Variants in TMEM131L observed in about 807,000 individuals in gnomAD.
The protein encoded by TMEM131L is transmembrane protein 131-like.
TMEM131L carries 54 observed loss-of-function variants against 192.2 expected under a neutral mutation model. The observed-to-expected ratio is 0.28, with a 90% confidence interval of 0.23 to 0.35. The LOEUF (loss-of-function observed/expected upper bound fraction) is 0.35, where lower values mean the gene tolerates loss of function less well. Among genes scored for constraint, TMEM131L ranks in the 10% least tolerant of loss-of-function variants. The probability of loss-of-function intolerance (pLI) is 1.00; values close to 1 mark genes in which losing one functional copy is unlikely to be tolerated. For missense variants in TMEM131L, 1,888 were observed against 1,972.9 expected (o/e 0.96, Z 0.82); for synonymous variants, 701 against 704.9 (o/e 0.99, Z 0.09).
intron 14 of TMEM131L, among the ~76,000 whole-genome samples, chr4:153,586,686 T>A (rs1353426071): frequency 6.6e-6 from 1 of 152,210 alleles, no homozygotes; most frequent in Non-Finnish European, 1.5e-5. Context: ...ATGTGTTTGC[T>A]ATAGAAAACA....
At chr4:153,474,461 G>A (rs557029523) in intron 3 of TMEM131L, among the ~76,000 whole-genome samples, 8 of 152,216 alleles carry the variant, frequency 5.3e-5, no homozygotes, top group South Asian at 2.1e-4. Flanking sequence ...AAGCCCTGCC[G>A]GCAATCCAGG....
chr4:153,511,597 C>T lies in TMEM131L; in HGVS notation c.239+37709C>T, dbSNP rs117318808. On this transcript the variant is annotated intron_variant, in intron 3 of 34. Coordinates refer to ENST00000409959, the MANE Select transcript of TMEM131L (RefSeq NM_001131007.2). Reference sequence around the variant, plus strand: ...GACACGAGTCTCCCTATATAACAAACCTGCACATGTATACCTGAACTGAAA... The same window carrying T: ...GACACGAGTCTCCCTATATAACAAATCTGCACATGTATACCTGAACTGAAA... Among the ~76,000 whole-genome samples, 83 of 152,178 alleles carry T rather than the reference C, an allele frequency of 5.5e-4. No homozygotes were observed. The East Asian group carries it at 0.015, about 28-fold the overall frequency.
intron 3 of TMEM131L, among the ~76,000 whole-genome samples, chr4:153,520,125 TTTAC>T (rs568907893): frequency 8.2e-4 from 124 of 152,118 alleles, no homozygotes; most frequent in African/African-American, 2.8e-3. Flanking sequence ...TGGTGCCAGT[TTTAC>T]TTAAGATTTG....
chr4:153,588,674 G>T (rs566971116), intron 15 of TMEM131L, among the ~76,000 whole-genome samples: 30 of 152,110 alleles, frequency 2.0e-4, no homozygotes, highest in African/African-American at 7.0e-4. Flanking sequence ...TACATAATTC[G>T]ATTTAGTTTT....
intron 2 of TMEM131L, among the ~76,000 whole-genome samples, chr4:153,473,328 G>A (rs926367722): frequency 6.6e-6 from 1 of 152,252 alleles, no homozygotes; most frequent in African/African-American, 2.4e-5. Context: ...GCAGGCAGCA[G>A]TCTGCAGGCA....
At chr4:153,508,970 T>C (rs774987545) in intron 3 of TMEM131L, among the ~76,000 whole-genome samples, 1 of 152,102 alleles carries the variant, frequency 6.6e-6, no homozygotes, top group Non-Finnish European at 1.5e-5. Flanking sequence ...ATGGCTTAAC[T>C]TAAGTAAGTT....
intron 3 of TMEM131L, among the ~76,000 whole-genome samples, chr4:153,515,059 G>GC (rs1371307720): frequency 1.3e-5 from 2 of 152,196 alleles, no homozygotes; most frequent in African/African-American, 4.8e-5. Context: ...TGATCCACCT[G>GC]CCTCGGCCTC....
chr4:153,589,691 G>A (rs10517574), intron 16 of TMEM131L, among the ~76,000 whole-genome samples: 36,470 of 152,148 alleles, frequency 0.24, 5,060 homozygotes, highest in Non-Finnish European at 0.32. Flanking sequence ...ATTACAGTCC[G>A]TAGTTTCTAG....
At chr4:153,607,547 T>C (rs1002494575) in intron 25 of TMEM131L, among the ~76,000 whole-genome samples, 1 of 152,156 alleles carries the variant, frequency 6.6e-6, no homozygotes, top group African/African-American at 2.4e-5. Context: ...TAGCCATTTC[T>C]CCCAAAGTAT....
At chr4:153,532,822 G>A (rs1366272536) in intron 3 of TMEM131L, among the ~76,000 whole-genome samples, 1 of 151,918 alleles carries the variant, frequency 6.6e-6, no homozygotes, top group Non-Finnish European at 1.5e-5. Context: ...TTAGTTGCTG[G>A]GTTCATGTAC....
intron 3 of TMEM131L, among the ~76,000 whole-genome samples, chr4:153,514,995 G>C (rs1284713293): frequency 1.3e-5 from 2 of 151,744 alleles, no homozygotes; most frequent in Non-Finnish European, 2.9e-5. Context: ...ATTTTTAGTA[G>C]AGACAGGGGT....
At chr4:153,524,154 T>C (rs1735314729) in intron 3 of TMEM131L, among the ~76,000 whole-genome samples, 1 of 148,420 alleles carries the variant, frequency 6.7e-6, no homozygotes, top group African/African-American at 2.5e-5. Flanking sequence ...TTTTTTTTCC[T>C]GTCTTAGCTG....
intron 3 of TMEM131L, among the ~76,000 whole-genome samples, chr4:153,514,999 CAG>C (rs1311293954): frequency 1.3e-5 from 2 of 152,042 alleles, no homozygotes; most frequent in African/African-American, 2.4e-5. Flanking sequence ...TTAGTAGAGA[CAG>C]GGGTCTCCCC....
chr4:153,574,388 A>G lies in TMEM131L; in HGVS notation c.661-6438A>G, dbSNP rs541258101. ...GAAAAATAGCTGTACAGTACTTATT[A>G]ATAACTCAGCTGAGCCTGCTGTTAT... On this transcript the variant is annotated intron_variant, in intron 7 of 34. Coordinates refer to ENST00000409959, the MANE Select transcript of TMEM131L (RefSeq NM_001131007.2). Among the ~76,000 whole-genome samples, 9 of 152,322 alleles carry G rather than the reference A, an allele frequency of 5.9e-5. No homozygotes were observed. The South Asian group carries it at 6.2e-4, about 11-fold the overall frequency.
At chr4:153,593,032 GA>G (rs901956977) in intron 18 of TMEM131L, among the ~76,000 whole-genome samples, 31 of 152,252 alleles carry the variant, frequency 2.0e-4, no homozygotes, top group African/African-American at 6.7e-4. Flanking sequence ...ACCATTGATG[GA>G]AAAATTGGCC....
intron 3 of TMEM131L, among the ~76,000 whole-genome samples, chr4:153,549,203 G>GTGATC (rs377292041): frequency 2.0e-5 from 3 of 152,172 alleles, no homozygotes; most frequent in African/African-American, 7.2e-5. Flanking sequence ...CTGGGCTCAA[G>GTGATC]TGATCTGCCT....
chr4:153,480,695 A>T (rs770173977), intron 3 of TMEM131L, among the ~76,000 whole-genome samples: 8 of 151,662 alleles, frequency 5.3e-5, no homozygotes, highest in South Asian at 2.1e-4. Context: ...TAAAAGAAAA[A>T]TTTTTTTATG....
chr4:153,470,131 G>C (rs1426890525), intron 2 of TMEM131L, among the ~76,000 whole-genome samples: 3 of 151,688 alleles, frequency 2.0e-5, no homozygotes, highest in African/African-American at 7.3e-5. Flanking sequence ...CAGAACCTCT[G>C]GCCAGGTCTC....
At chr4:153,558,151 A>G in intron 6 of TMEM131L, 107 bp from the exon 7 acceptor site, 1 of 567,654 alleles carries the variant, frequency 1.8e-6, no homozygotes. Flanking sequence ...AGAGTCTTGA[A>G]GGCCATGCTG....
Sources: gnomAD v4.1 joint callset for allele counts (sites outside exome capture counted in the v4.1 genomes callset) on GRCh38, gnomAD v4.1.1 for gene constraint, MANE v1.5 for transcripts, NCBI Gene and HGNC (gene_info 2026-07-23, HGNC 2026-07-21) for gene names.